The following POLQ variants were observed in gnomAD, a reference collection of about 807,000 sequenced individuals.
POLQ encodes epididymis secretory sperm binding protein.
A neutral mutation model predicts 259.2 loss-of-function variants in POLQ; 233 were observed. The ratio of observed to expected loss-of-function variants is 0.90; its 90% confidence interval spans 0.81 to 1.00. The LOEUF (loss-of-function observed/expected upper bound fraction) is 1.00. Ranked by LOEUF, POLQ falls within the 50% of genes least tolerant of loss-of-function variation. The pLI is 0.00. For missense variants in POLQ, 2,871 were observed against 3,051.6 expected (o/e 0.94, Z 1.39); for synonymous variants, 1,025 against 1,048.8 (o/e 0.98, Z 0.44).
At chr3:121,463,834 A>G (rs1349553649) in intron 24 of POLQ, among the ~76,000 whole-genome samples, 2 of 152,184 alleles carry the variant, frequency 1.3e-5, no homozygotes, top group African/African-American at 4.8e-5. Flanking sequence ...ATATATAAAA[A>G]AGATTTATGT....
At position 121,533,231 on chromosome 3, in the gene POLQ, GA is replaced by G. The variant is rs749963667; in HGVS notation, c.741-23del. The G allele has an allele frequency of 4.1e-6, 6 of 1,479,426 alleles. No homozygotes were observed. The East Asian group carries it at 1.1e-4, about 28-fold the overall frequency. 91.6% of individuals were successfully genotyped at this position (1,479,426 alleles called of 1,614,324 possible). A position where few individuals can be genotyped will look rare whatever the true frequency, so the allele number is the denominator to read the frequency against. ...CTGACTGTAAAAAAACAAATGAAAA[GA>G]ACATTAAAAGATATATAATACATTA... On this transcript the variant is annotated intron_variant, in intron 5 of 29. Transcript: ENST00000264233.
intron 9 of POLQ, 113 bp from the exon 10 acceptor site, chr3:121,512,142 G>A: frequency 1.2e-6 from 1 of 817,902 alleles, no homozygotes; most frequent in Admixed American, 2.8e-5. Flanking sequence ...GATGATAGTG[G>A]TTGTTATGGT....
Position 121,498,529 on chromosome 3 carries a change from T to C in POLQ, c.2101A>G (p.Lys701Glu), listed in dbSNP as rs1423314971. 1 of 1,613,998 alleles carries C rather than the reference T, an allele frequency of 6.2e-7. No individual in the cohort carries two copies. The highest frequency in any genetic ancestry group is 8.5e-7 in the Non-Finnish European group (1 of 1,180,018). Residue 701 changes from lysine (K) to glutamate (E), a missense_variant, in exon 13 of 30, where the codon AAA becomes GAA. Physicochemically the swap from Lys to Glu is moderately conservative, Grantham distance 56 (BLOSUM62 1). This residue lies in a region of POLQ where 783 missense variants were observed against 906.2 expected (regional missense o/e 0.86). Coordinates refer to ENST00000264233, the MANE Select transcript of POLQ (RefSeq NM_199420.4). ...TGTCTCTCAGTTCTGGCTACTACTT[T>C]TCCTTTCACACAACGGGCCAAGAAC... ...EGFLARCVKG[K>E]VVARTERQHR...
At chr3:121,476,484 AC>A (rs1439711725) in intron 20 of POLQ, 55 bp downstream of exon 20, 29 of 1,149,024 alleles carry the variant, frequency 2.5e-5, no homozygotes, top group Non-Finnish European at 3.4e-5. Context: ...ACACACACAC[AC>A]AATCATTTTA....
At chr3:121,433,481 C>T (rs538744566) in intron 28 of POLQ, among the ~76,000 whole-genome samples, 62 of 152,256 alleles carry the variant, frequency 4.1e-4, no homozygotes, top group Non-Finnish European at 7.8e-4. Context: ...GAAGTGTCAT[C>T]GTGATAGAAC....
Position 121,467,504 on chromosome 3 carries a change from T to C in POLQ, c.6967+15A>G. On this transcript the variant is annotated intron_variant, in intron 24 of 29. Transcript: ENST00000264233. ...TCACAGCAATGAGAAGCTTCAAAGC[T>C]ATCAGCCACCTTACCTGGGAAAGGC... 6.2e-7 allele frequency: 1 copy of C among 1,612,736 alleles called. No individual in the cohort carries two copies. Among genetic ancestry groups the C allele is most frequent in the Non-Finnish European group, 8.5e-7 (1 of 1,179,308 alleles).
Position 121,544,788 on chromosome 3 carries a change from T to C in POLQ, c.282A>G (p.Glu94=). 3.1e-6 allele frequency: 5 copies of C among 1,613,738 alleles called. No homozygotes were observed. Among genetic ancestry groups the C allele is most frequent in the Non-Finnish European group, 4.2e-6 (5 of 1,179,650 alleles). ...CAAGCAAAAGGCACTCTGCCTGCCA[T>C]TCAAACATCTTTTTTACACCAAAAC... ...YHSFGVKKMF[E]WQAECLLLGQ... The change falls in exon 2 of 30, where the codon GAA becomes GAG. Residue 94 remains glutamate, a synonymous_variant. Coordinates refer to ENST00000264233, the MANE Select transcript of POLQ (RefSeq NM_199420.4).
At chr3:121,471,443 C>T (rs1039863532) in intron 22 of POLQ, among the ~76,000 whole-genome samples, 1 of 152,046 alleles carries the variant, frequency 6.6e-6, no homozygotes, top group Non-Finnish European at 1.5e-5. Flanking sequence ...TATACAAGTT[C>T]TTAAAAGCAG....
chr3:121,513,177 G>A (rs1204336986), intron 9 of POLQ, among the ~76,000 whole-genome samples: 1 of 151,662 alleles, frequency 6.6e-6, no homozygotes, highest in Non-Finnish European at 1.5e-5. Flanking sequence ...TACCACCCGA[G>A]GCAAAGAGAA....
rs1576416679 is a variant in POLQ at position 121,494,452 on chromosome 3, G to A, written c.2279-731C>T. Reference sequence around the variant, plus strand: ...GGCAAGAGAAGAAGCAGAGGCTGTTGGCCTGGGCCAAGAAGAAAGCTGCTG... The same window carrying A: ...GGCAAGAGAAGAAGCAGAGGCTGTTAGCCTGGGCCAAGAAGAAAGCTGCTG... On this transcript the variant is annotated intron_variant, in intron 14 of 29. Coordinates refer to ENST00000264233, the MANE Select transcript of POLQ (RefSeq NM_199420.4). The A allele has an allele frequency of 6.6e-6, 10 of 1,511,186 alleles. No individual in the cohort carries two copies. The East Asian group carries it at 2.3e-4, about 34-fold the overall frequency. The allele number at this position is 1,511,186 out of a possible 1,614,324, so 93.6% of individuals were successfully genotyped here.
At position 121,472,081 on chromosome 3, in the gene POLQ, T is replaced by C. The variant is rs2047888082; in HGVS notation, c.6627A>G (p.Lys2209=). 3 of 1,581,430 alleles carry C rather than the reference T, an allele frequency of 1.9e-6. No individual in the cohort carries two copies. Among genetic ancestry groups the C allele is most frequent in the Non-Finnish European group, 2.6e-6 (3 of 1,153,892 alleles). Residue 2209 remains lysine (K), a synonymous_variant, in exon 22 of 30, where the codon AAA becomes AAG. Coordinates refer to ENST00000264233, the MANE Select transcript of POLQ (RefSeq NM_199420.4). ...EWRRITNAIT[K]VVFPLQREKC... is the part of the protein sequence containing the mutation. ...TTTCCCGCTGAAGGGGAAAGACCAC[T>C]TTGGTAATAGCATTAGTGATTCTTC... is the stretch of plus-strand genomic sequence containing the variant.
intron 4 of POLQ, among the ~76,000 whole-genome samples, chr3:121,538,224 T>A (rs1576430031): frequency 6.6e-6 from 1 of 152,146 alleles, no homozygotes; most frequent in Admixed American, 6.6e-5. Context: ...AGTTTTTTTT[T>A]AATATGGTAA....
chr3:121,531,677 T>G (rs1000632869), intron 6 of POLQ, among the ~76,000 whole-genome samples: 1 of 152,094 alleles, frequency 6.6e-6, no homozygotes, highest in Non-Finnish European at 1.5e-5. Context: ...GAGAGAACAA[T>G]TAGGAAATAT....
At chr3:121,531,248 G>GTGTTC (rs2048410054) in intron 6 of POLQ, among the ~76,000 whole-genome samples, 2 of 152,116 alleles carry the variant, frequency 1.3e-5, no homozygotes, top group African/African-American at 2.4e-5. Context: ...AAGAAATAGA[G>GTGTTC]ACCATGTAAG....
At chr3:121,493,973 T>G in intron 14 of POLQ, 2 of 599,408 alleles carry the variant, frequency 3.3e-6, no homozygotes, top group Admixed American at 6.0e-5. Context: ...AGTTAATACA[T>G]GAAAACTGAG....
At chr3:121,477,451 T>C (rs974704043) in intron 19 of POLQ, among the ~76,000 whole-genome samples, 8 of 152,204 alleles carry the variant, frequency 5.3e-5, no homozygotes, top group South Asian at 2.1e-4. Context: ...ATTATATATA[T>C]GCAAATATTC....
At chr3:121,448,807 G>A (rs934465207) in intron 26 of POLQ, among the ~76,000 whole-genome samples, 1 of 152,092 alleles carries the variant, frequency 6.6e-6, no homozygotes, top group African/African-American at 2.4e-5. Flanking sequence ...ATGACCATAT[G>A]CATTTGTCAA....
At chr3:121,526,284 G>T (rs1231688534) in intron 7 of POLQ, among the ~76,000 whole-genome samples, 1 of 152,156 alleles carries the variant, frequency 6.6e-6, no homozygotes, top group Non-Finnish European at 1.5e-5. Flanking sequence ...TCCAGAGAAG[G>T]GGTTCTCACT....
At chr3:121,436,305 C>A in intron 27 of POLQ, 30 bp from the exon 28 acceptor site, 1 of 1,608,862 alleles carries the variant, frequency 6.2e-7, no homozygotes, top group Non-Finnish European at 8.5e-7. Flanking sequence ...GGTGCTCCAC[C>A]AGATATGCCA....
Sources: allele counts gnomAD v4.1 joint callset (sites outside exome capture counted in the v4.1 genomes callset), GRCh38; gene constraint gnomAD v4.1.1; regional missense constraint gnomAD v4.1.1; transcripts MANE v1.5; gene names NCBI Gene and HGNC (gene_info 2026-07-23, HGNC 2026-07-21).